The following EMC8 variants were observed in gnomAD, a reference collection of about 807,000 sequenced individuals.
EMC8 encodes COX4 neighbor.
Under a neutral mutation model 24.3 loss-of-function variants are expected in EMC8, and 11 were observed. The ratio of observed to expected loss-of-function variants is 0.45; its 90% CI spans 0.28 to 0.75. EMC8 has a LOEUF of 0.75. Among genes scored for constraint, EMC8 ranks in the 30% least tolerant of loss-of-function variants. EMC8 has a pLI of 0.12. For synonymous variants in EMC8, 145 were observed against 117.7 expected (o/e 1.23, Z -1.50); for missense variants, 277 against 282.7 (o/e 0.98, Z 0.14).
intron 2 of EMC8, chr16:85,784,573 A>C (rs906931510): frequency 6.6e-6 from 1 of 152,198 alleles, no homozygotes; most frequent in Non-Finnish European, 1.5e-5. Context: ...GGAGGTTTTC[A>C]GGTAGAAGCC....
chr16:85,781,375 A>T, intron 2 of EMC8, 95 bp from the exon 3 acceptor site: 1 of 842,236 alleles, frequency 1.2e-6, no homozygotes, highest in Non-Finnish European at 2.0e-6. Context: ...ACAAGCAATG[A>T]CAGAAAGACT....
chr16:85,780,634 G>C, intron 3 of EMC8, 161 bp from the exon 4 acceptor site: 2 of 609,888 alleles, frequency 3.3e-6, no homozygotes, highest in South Asian at 3.9e-5. Flanking sequence ...TCTGGCCTGA[G>C]GAAAACTGTT....
Position 85,799,154 on chromosome 16 carries a change from C to T in EMC8, c.142G>A (p.Gly48Ser). 6.2e-7 allele frequency: 1 copy of T among 1,606,760 alleles called. No individual in the cohort carries two copies. The highest frequency in any genetic ancestry group is 8.5e-7 in the Non-Finnish European group (1 of 1,176,938). The change falls in exon 1 of 5, where the codon GGC (glycine) becomes AGC (serine). Residue 48 changes from glycine (G) to serine (S), a missense_variant. Transcript: ENST00000253457. This position sits in a 1 kb window ranked among gnomAD's most constrained non-coding sequence, Gnocchi z 4.2. ...RKEHLPLGGP[G>S]AHHTLFVDCI... The stretch of plus-strand genomic sequence containing the variant: ...TCCACGAAGAGGGTGTGGTGGGCGC[C>T]GGGGCCGCCCAGGGGGAGGTGCTCC...
At chr16:85,785,835 T>A (rs879383769) in intron 2 of EMC8, among the ~76,000 whole-genome samples, 2 of 152,160 alleles carry the variant, frequency 1.3e-5, no homozygotes, top group Admixed American at 1.3e-4. Context: ...CGGGCCAGCG[T>A]GTAGGTGCCA....
Position 85,799,067 on chromosome 16 carries a change from G to A in EMC8, c.229C>T (p.Leu77=). The change falls in exon 1 of 5, where the codon CTG becomes TTG. Residue 77 remains leucine, a splice_region_variant and synonymous_variant. Coordinates refer to ENST00000253457, the MANE Select transcript of EMC8 (RefSeq NM_006067.5). The surrounding 1 kb of genome is among the most constrained non-coding windows in gnomAD (Gnocchi z 4.2). ...GAAGGGGCCCTTTCCGCGCTTACCAGGGTGAGAGCCACCTCCAGCATGGGG... is the reference window on the plus strand; with the variant it reads ...GAAGGGGCCCTTTCCGCGCTTACCAAGGTGAGAGCCACCTCCAGCATGGGG... ...LAPMLEVALT[L]IDSWCKDHSY... is the part of the protein sequence containing the mutation. 1 of 1,544,146 alleles carries A rather than the reference G, an allele frequency of 6.5e-7. No homozygotes were observed. The highest frequency in any genetic ancestry group is 8.8e-7 in the Non-Finnish European group (1 of 1,141,124).
intron 1 of EMC8, among the ~76,000 whole-genome samples, chr16:85,791,351 T>C (rs1373134702): frequency 6.6e-6 from 1 of 152,242 alleles, no homozygotes; most frequent in East Asian, 1.9e-4. Context: ...GTGCAGAATA[T>C]GCAGGTTTGT....
At chr16:85,788,884 T>G (rs1597205088) in intron 2 of EMC8, 90 bp downstream of exon 2, 1 of 898,916 alleles carries the variant, frequency 1.1e-6, no homozygotes, top group East Asian at 2.4e-5. Flanking sequence ...GTCTCACAGG[T>G]TTCGTATCTG....
intron 2 of EMC8, among the ~76,000 whole-genome samples, chr16:85,782,653 C>G (rs909114002): frequency 3.3e-5 from 5 of 152,292 alleles, no homozygotes; most frequent in East Asian, 3.9e-4. Context: ...GCTCCATGTC[C>G]TCACCACAGC....
At chr16:85,797,340 G>A (rs971909338) in intron 1 of EMC8, among the ~76,000 whole-genome samples, 4 of 152,246 alleles carry the variant, frequency 2.6e-5, no homozygotes, top group African/African-American at 9.6e-5. Flanking sequence ...TCTGGGAGGT[G>A]GAAGTTGCAG....
At chr16:85,782,376 A>G (rs143227836) in intron 2 of EMC8, among the ~76,000 whole-genome samples, 2 of 152,320 alleles carry the variant, frequency 1.3e-5, no homozygotes, top group African/African-American at 4.8e-5. Context: ...AATAGAGCTA[A>G]TAATAGAGCA....
intron 1 of EMC8, among the ~76,000 whole-genome samples, chr16:85,798,279 G>A (rs933068084): frequency 6.6e-6 from 1 of 151,742 alleles, no homozygotes. Context: ...CCGCCACCAC[G>A]CCCGGCTAAG....
At chr16:85,793,317 T>C (rs959640506) in intron 1 of EMC8, among the ~76,000 whole-genome samples, 2 of 152,176 alleles carry the variant, frequency 1.3e-5, no homozygotes, top group African/African-American at 4.8e-5. Context: ...AGCCTTCCTA[T>C]CTGCAGCAAA....
intron 1 of EMC8, among the ~76,000 whole-genome samples, chr16:85,793,606 G>A (rs551637400): frequency 6.6e-6 from 1 of 152,190 alleles, no homozygotes; most frequent in East Asian, 1.9e-4. Context: ...GAGAGCTCCA[G>A]GGCAGCCGCC....
Position 85,780,371 on chromosome 16 carries a change from G to T in EMC8, c.473+8C>A. The T allele has an allele frequency of 1.2e-6, 2 of 1,609,044 alleles. No homozygotes were observed. The highest frequency in any genetic ancestry group is 1.3e-5 in the African/African-American group (1 of 74,942). On this transcript the variant is annotated splice_region_variant and intron_variant, in intron 4 of 4. Transcript: ENST00000253457. Reference sequence around the variant, plus strand: ...CCCAGCCCGCGCGGCAGCATGGGGCGCACTCACTGGTGTGGGTCTCTGCAC... The same window carrying T: ...CCCAGCCCGCGCGGCAGCATGGGGCTCACTCACTGGTGTGGGTCTCTGCAC...
intron 2 of EMC8, chr16:85,788,757 A>G: frequency 5.2e-6 from 3 of 575,958 alleles, no homozygotes; most frequent in Non-Finnish European, 9.2e-6. Flanking sequence ...AAAATAAAGA[A>G]GACACAAAAC....
At chr16:85,794,139 G>A (rs180996565) in intron 1 of EMC8, among the ~76,000 whole-genome samples, 1 of 152,228 alleles carries the variant, frequency 6.6e-6, no homozygotes, top group Non-Finnish European at 1.5e-5. Flanking sequence ...TGTGAAAACT[G>A]CATCTTCTAT....
chr16:85,786,202 G>A (rs1288916857), intron 2 of EMC8, among the ~76,000 whole-genome samples: 2 of 152,252 alleles, frequency 1.3e-5, no homozygotes, highest in Non-Finnish European at 2.9e-5. Flanking sequence ...AGAGGCCCAA[G>A]GAGGTTAATC....
At chr16:85,785,732 G>A (rs547454189) in intron 2 of EMC8, among the ~76,000 whole-genome samples, 1 of 152,310 alleles carries the variant, frequency 6.6e-6, no homozygotes, top group South Asian at 2.1e-4. Flanking sequence ...CTGCTAGTCA[G>A]GAACTCCTTG....
chr16:85,779,792 G>A lies in EMC8; in HGVS notation c.549C>T (p.Leu183=), dbSNP rs779376292. The change falls in exon 5 of 5, where the codon CTC becomes CTT. Residue 183 remains leucine (L), a synonymous_variant. Coordinates refer to ENST00000253457, the MANE Select transcript of EMC8 (RefSeq NM_006067.5). ...SLLDSRSYET[L]VDFDNHLDDI... is the part of the protein sequence containing the mutation. ...CATCCAGGTGGTTATCGAAATCCAC[G>A]AGCGTCTCGTAGGACCGGCTGTCCA... 4.3e-6 allele frequency: 7 copies of A among 1,614,030 alleles called. No homozygotes were observed. Among genetic ancestry groups the A allele is most frequent in the Non-Finnish European group, 5.1e-6 (6 of 1,180,000 alleles).
Sources: gnomAD v4.1 joint callset for allele counts (sites outside exome capture counted in the v4.1 genomes callset) on GRCh38, gnomAD v4.1.1 for gene constraint, Gnocchi (gnomAD v3.1) non-coding constraint, MANE v1.5 for transcripts, NCBI Gene and HGNC (gene_info 2026-07-23, HGNC 2026-07-21) for gene names.